Variants in GRID2 observed in about 807,000 individuals in gnomAD.
The protein encoded by GRID2 is glutamate receptor ionotropic, delta-2.
GRID2 carries 33 observed loss-of-function variants against 114.8 expected under a neutral mutation model. The observed-to-expected ratio is 0.29, with a 90% CI of 0.22 to 0.38. The LOEUF (loss-of-function observed/expected upper bound fraction) is 0.38. Ranked by LOEUF, GRID2 falls within the 10% of genes least tolerant of loss-of-function variation. GRID2 has a pLI of 1.00. For synonymous variants in GRID2, 505 were observed against 449.9 expected (o/e 1.12, Z -1.55); for missense variants, 1,184 against 1,257.7 (o/e 0.94, Z 0.89).
intron 2 of GRID2, among the ~76,000 whole-genome samples, chr4:92,991,085 T>C (rs567958269): frequency 6.6e-6 from 1 of 152,274 alleles, no homozygotes; most frequent in South Asian, 2.1e-4. Context: ...GTGAATAGGG[T>C]ATTATTGTTT....
intron 2 of GRID2, among the ~76,000 whole-genome samples, chr4:92,933,808 T>A (rs184448205): frequency 6.6e-6 from 1 of 151,822 alleles, no homozygotes; most frequent in East Asian, 1.9e-4. Context: ...TTCTAATTAT[T>A]TTATCTTTGA....
chr4:93,342,350 C>G (rs1012857893), intron 8 of GRID2, among the ~76,000 whole-genome samples: 4 of 152,166 alleles, frequency 2.6e-5, no homozygotes, highest in African/African-American at 4.8e-5. Context: ...CAAGACTGCT[C>G]TCTCTTCTGC....
At position 92,415,465 on chromosome 4, in the gene GRID2, C is replaced by T. The variant is rs116662375; in HGVS notation, c.88+110721C>T. Reference sequence around the variant, plus strand: ...CCTGTGTAGTCTTTTATTCCTCACCCTCCTCCCACAGTTCCTCCCAAGTAC... The same window carrying T: ...CCTGTGTAGTCTTTTATTCCTCACCTTCCTCCCACAGTTCCTCCCAAGTAC... On this transcript the variant is annotated intron_variant, in intron 1 of 15. Coordinates refer to ENST00000282020, the MANE Select transcript of GRID2 (RefSeq NM_001510.4). Among the ~76,000 whole-genome samples, 1,166 of 151,688 alleles carry T rather than the reference C, an allele frequency of 7.7e-3. 13 individuals are homozygous for T. The highest frequency in any genetic ancestry group is 0.027 in the African/African-American group (1,105 of 41,384).
At chr4:93,321,749 A>G (rs976386520) in intron 8 of GRID2, among the ~76,000 whole-genome samples, 14 of 152,050 alleles carry the variant, frequency 9.2e-5, no homozygotes, top group Non-Finnish European at 1.6e-4. Flanking sequence ...TTTCAGATGG[A>G]AGTGACAGAT....
At chr4:93,118,291 C>T (rs1733469962) in intron 4 of GRID2, among the ~76,000 whole-genome samples, 1 of 151,870 alleles carries the variant, frequency 6.6e-6, no homozygotes, top group Non-Finnish European at 1.5e-5. Flanking sequence ...GTATTCAATT[C>T]TTCATATTTT....
chr4:93,434,466 A>G (rs1285909043), intron 10 of GRID2, among the ~76,000 whole-genome samples: 1 of 152,112 alleles, frequency 6.6e-6, no homozygotes, highest in Non-Finnish European at 1.5e-5. Flanking sequence ...ATATAAAAAA[A>G]ATTTAAAAAA....
chr4:92,659,810 A>G (rs376429860), intron 2 of GRID2, among the ~76,000 whole-genome samples: 34 of 151,462 alleles, frequency 2.2e-4, no homozygotes, highest in African/African-American at 6.8e-4. Context: ...ATGCTTTCTG[A>G]TACTGTTGAA....
intron 2 of GRID2, among the ~76,000 whole-genome samples, chr4:92,836,922 C>T (rs537401699): frequency 2.6e-5 from 4 of 152,062 alleles, no homozygotes; most frequent in Admixed American, 6.6e-5. Context: ...AAAAGAAAAT[C>T]GAAAATCTTC....
chr4:92,489,274 A>C (rs575275656), intron 1 of GRID2, among the ~76,000 whole-genome samples: 5 of 152,214 alleles, frequency 3.3e-5, no homozygotes, highest in Non-Finnish European at 7.3e-5. Context: ...AAATAATTAT[A>C]TTCATTCAGA....
At chr4:92,477,043 G>A (rs1292725667) in intron 1 of GRID2, among the ~76,000 whole-genome samples, 10 of 4,542 alleles carry the variant, frequency 2.2e-3, no homozygotes, top group African/African-American at 0.012. Flanking sequence ...AACTTCATGT[G>A]TGTGTGTGTG....
chr4:93,214,183 G>C (rs921498594), intron 5 of GRID2, among the ~76,000 whole-genome samples: 3 of 151,870 alleles, frequency 2.0e-5, no homozygotes, highest in African/African-American at 7.2e-5. Flanking sequence ...GAGAGTGAGT[G>C]CTTTATTGGT....
chr4:93,735,079 C>T (rs748008878), intron 14 of GRID2, among the ~76,000 whole-genome samples: 20 of 151,928 alleles, frequency 1.3e-4, no homozygotes, highest in East Asian at 7.7e-4. Flanking sequence ...CAAGATGCAT[C>T]GTCAAATTGC....
intron 2 of GRID2, among the ~76,000 whole-genome samples, chr4:92,733,130 G>C (rs1458712096): frequency 6.6e-6 from 1 of 151,978 alleles, no homozygotes; most frequent in Non-Finnish European, 1.5e-5. Context: ...AGTAAGATAA[G>C]TAAGATTCCT....
At chr4:93,802,705 C>T (rs1001593589) in intron 1 of GRID2, among the ~76,000 whole-genome samples, 2 of 152,032 alleles carry the variant, frequency 1.3e-5, no homozygotes, top group Admixed American at 6.6e-5. Flanking sequence ...ATATTTTGTG[C>T]ATGTTTTATA....
intron 1 of GRID2, among the ~76,000 whole-genome samples, chr4:92,316,989 C>A (rs1191848115): frequency 6.6e-6 from 1 of 152,088 alleles, no homozygotes; most frequent in Non-Finnish European, 1.5e-5. Flanking sequence ...CAGTAATTCT[C>A]ATGCAAGCTT....
intron 8 of GRID2, among the ~76,000 whole-genome samples, chr4:93,303,170 G>A (rs892880641): frequency 4.6e-5 from 7 of 151,996 alleles, no homozygotes; most frequent in Admixed American, 2.6e-4. Context: ...GAACAGCAAG[G>A]GAGAAATCCA....
intron 8 of GRID2, among the ~76,000 whole-genome samples, chr4:93,327,812 T>C (rs1222563847): frequency 6.6e-6 from 1 of 152,084 alleles, no homozygotes; most frequent in Non-Finnish European, 1.5e-5. Flanking sequence ...GTGGTAGATA[T>C]GCAAAAGGCC....
chr4:93,189,431 G>A (rs954923876), intron 4 of GRID2, among the ~76,000 whole-genome samples: 2 of 151,912 alleles, frequency 1.3e-5, no homozygotes, highest in Admixed American at 6.6e-5. Context: ...ACTCATGACG[G>A]TTATGCTCAC....
At chr4:93,698,081 A>G (rs1727202561) in intron 14 of GRID2, among the ~76,000 whole-genome samples, 1 of 151,844 alleles carries the variant, frequency 6.6e-6, no homozygotes, top group Admixed American at 6.6e-5. Flanking sequence ...ACATATGCTG[A>G]TAAGAGTAAT....
Sources: allele counts gnomAD v4.1 joint callset (sites outside exome capture counted in the v4.1 genomes callset), GRCh38; gene constraint gnomAD v4.1.1; transcripts MANE v1.5; gene names NCBI Gene and HGNC (gene_info 2026-07-23, HGNC 2026-07-21).